Variants in FER1L6 observed in about 807,000 individuals in gnomAD.
FER1L6 encodes the protein fer-1 like family member 6, also known as fer-1-like protein 6.
In FER1L6, 177 loss-of-function variants were observed where a neutral mutation model predicts 219.2. The ratio of observed to expected loss-of-function variants is 0.81; its 90% confidence interval spans 0.71 to 0.91. FER1L6 has a LOEUF of 0.91. FER1L6 is among the 40% of genes least tolerant of loss of function. FER1L6 has a pLI of 0.00. For missense variants in FER1L6, 2,153 were observed against 2,259.9 expected (o/e 0.95, Z 0.96); for synonymous variants, 768 against 824.3 (o/e 0.93, Z 1.17).
intron 1 of FER1L6, among the ~76,000 whole-genome samples, chr8:123,878,692 G>A (rs1022674810): frequency 9.9e-5 from 15 of 152,212 alleles, no homozygotes; most frequent in African/African-American, 3.1e-4. Flanking sequence ...CACGTAACAA[G>A]AACTGTGTGT....
intron 15 of FER1L6, 60 bp downstream of exon 15, chr8:124,013,591 T>A: frequency 2.5e-6 from 3 of 1,190,896 alleles, no homozygotes; most frequent in Non-Finnish European, 3.5e-6. Flanking sequence ...AGCTTTTAAT[T>A]ACCTTGAGAA....
chr8:124,028,612 T>C (rs1490265488), intron 18 of FER1L6, among the ~76,000 whole-genome samples: 1 of 152,252 alleles, frequency 6.6e-6, no homozygotes, highest in African/African-American at 2.4e-5. Flanking sequence ...CTTTATTCTG[T>C]AGAGCTGCTG....
chr8:124,070,301 T>C (rs1821013596), intron 29 of FER1L6, among the ~76,000 whole-genome samples, 166 bp from the exon 30 acceptor site: 1 of 152,216 alleles, frequency 6.6e-6, no homozygotes, highest in African/African-American at 2.4e-5. Flanking sequence ...TCAGGAGTGC[T>C]GAGCCAATCC....
At chr8:123,960,708 C>CT (rs60123524) in intron 2 of FER1L6, among the ~76,000 whole-genome samples, 4,854 of 149,322 alleles carry the variant, frequency 0.033, 163 homozygotes, top group African/African-American at 0.088. Context: ...ACATTGCCAC[C>CT]TTTTTTTTTT....
chr8:124,036,516 A>T (rs1235930591), intron 19 of FER1L6, among the ~76,000 whole-genome samples: 5 of 152,198 alleles, frequency 3.3e-5, no homozygotes, highest in Admixed American at 6.5e-5. Flanking sequence ...ATGCTTAAAA[A>T]TTGCCCAAGG....
intron 1 of FER1L6, among the ~76,000 whole-genome samples, chr8:123,898,719 ATG>A: frequency 6.9e-6 from 1 of 145,140 alleles, no homozygotes; most frequent in South Asian, 2.1e-4. Flanking sequence ...ATATACGTAT[ATG>A]TGTATATATA....
At chr8:124,063,872 TAAG>T (rs1820704881) in intron 25 of FER1L6, among the ~76,000 whole-genome samples, 1 of 152,134 alleles carries the variant, frequency 6.6e-6, no homozygotes, top group Admixed American at 6.5e-5. Context: ...GAAGCCCAGT[TAAG>T]AATCTCATGA....
At chr8:124,036,805 G>C (rs1261540599) in intron 19 of FER1L6, among the ~76,000 whole-genome samples, 2 of 152,192 alleles carry the variant, frequency 1.3e-5, no homozygotes, top group Non-Finnish European at 2.9e-5. Context: ...TGTTTTCATA[G>C]AGTGACCTAA....
In FER1L6 at chr8:124,064,707, G is replaced by A. The variant is rs571506289; in HGVS notation, c.3555+134G>A. The A allele has an allele frequency of 1.0e-5, 8 of 771,132 alleles. No homozygotes were observed. The African/African-American group carries it at 1.1e-4, about 10-fold the overall frequency. The allele number at this position is 771,132 out of a possible 1,614,324, so 47.8% of individuals were successfully genotyped here. ...ATTTCTGAGTATCGGTTCATCCTTT[G>A]TAAAATGAGGATACTGTTACCCACT... On this transcript the variant is annotated intron_variant, in intron 26 of 40. Transcript: ENST00000522917.
intron 1 of FER1L6, among the ~76,000 whole-genome samples, chr8:123,940,821 A>G (rs1814210947): frequency 1.3e-5 from 2 of 152,168 alleles, no homozygotes; most frequent in African/African-American, 4.8e-5. Context: ...AGTTTTACCA[A>G]ATCATCCTTT....
intron 39 of FER1L6, among the ~76,000 whole-genome samples, chr8:124,110,422 A>C (rs1383607779): frequency 1.3e-5 from 2 of 152,206 alleles, no homozygotes; most frequent in East Asian, 1.9e-4. Flanking sequence ...CCACTGTGCC[A>C]TACTTCATTT....
chr8:124,069,340 T>C lies in FER1L6; in HGVS notation c.3719-20T>C, dbSNP rs1159136434. On this transcript the variant is annotated intron_variant, in intron 28 of 40. Coordinates refer to ENST00000522917, the MANE Select transcript of FER1L6 (RefSeq NM_001039112.2). The stretch of plus-strand genomic sequence containing the variant: ...ATCTCAACCGCCATGAGAAACCTAA[T>C]TTCTGCTGAATATCCACAGAGGCAA... 8.2e-6 allele frequency: 13 copies of C among 1,578,768 alleles called. No homozygotes were observed. Among genetic ancestry groups the C allele is most frequent in the Non-Finnish European group, 1.1e-5 (13 of 1,150,064 alleles).
At chr8:124,119,229 G>A (rs890686118) in intron 40 of FER1L6, among the ~76,000 whole-genome samples, 1 of 152,156 alleles carries the variant, frequency 6.6e-6, no homozygotes, top group African/African-American at 2.4e-5. Flanking sequence ...GTTTCAAAAG[G>A]GGGTGAGTCA....
chr8:124,056,884 A>G (rs1820321540), intron 22 of FER1L6, among the ~76,000 whole-genome samples: 1 of 152,118 alleles, frequency 6.6e-6, no homozygotes, highest in African/African-American at 2.4e-5. Flanking sequence ...GTCTCTACTA[A>G]AAATACAAAA....
chr8:124,029,354 C>T (rs1818858334), intron 18 of FER1L6, among the ~76,000 whole-genome samples: 1 of 152,200 alleles, frequency 6.6e-6, no homozygotes, highest in African/African-American at 2.4e-5. Flanking sequence ...GGAATCGCCA[C>T]ACTGTCTTCC....
intron 6 of FER1L6, among the ~76,000 whole-genome samples, chr8:123,971,820 C>T (rs1029299259): frequency 6.6e-6 from 1 of 152,178 alleles, no homozygotes; most frequent in Non-Finnish European, 1.5e-5. Flanking sequence ...GACAGTCTTC[C>T]CTTCTCAGTG....
chr8:123,865,686 A>C (rs200923318), intron 1 of FER1L6, among the ~76,000 whole-genome samples: 31 of 150,876 alleles, frequency 2.1e-4, no homozygotes, highest in Non-Finnish European at 3.4e-4. Flanking sequence ...TCTCGTGGTG[A>C]GCCGTTTTTT....
intron 21 of FER1L6, 95 bp downstream of exon 21, chr8:124,045,996 CTG>C: frequency 2.0e-6 from 3 of 1,471,586 alleles, no homozygotes; most frequent in Non-Finnish European, 2.8e-6. Context: ...AGTCCTGACG[CTG>C]TGAGTGGTGA....
intron 14 of FER1L6, among the ~76,000 whole-genome samples, chr8:124,011,220 C>G (rs545877218): frequency 1.3e-5 from 2 of 152,294 alleles, no homozygotes; most frequent in Non-Finnish European, 2.9e-5. Flanking sequence ...AGCCACCCAC[C>G]ATGCCTTTTC....
Sources: allele counts gnomAD v4.1 joint callset (sites outside exome capture counted in the v4.1 genomes callset), GRCh38; gene constraint gnomAD v4.1.1; transcripts MANE v1.5; gene names NCBI Gene and HGNC (gene_info 2026-07-23, HGNC 2026-07-21).